ALPG: variants seen among roughly 807,000 people sequenced by gnomAD.
ALPG encodes the protein alkaline phosphatase, germ cell, also known as alkaline phosphatase, germ cell type.
A neutral mutation model predicts 48.6 loss-of-function variants in ALPG; 32 were observed. The ratio of observed to expected loss-of-function variants is 0.66; its 90% confidence interval spans 0.50 to 0.88. The LOEUF (loss-of-function observed/expected upper bound fraction) is 0.88. Ranked by LOEUF, ALPG falls within the 40% of genes least tolerant of loss-of-function variation. ALPG has a pLI of 0.00. For synonymous variants in ALPG, 244 were observed against 308.9 expected (o/e 0.79, Z 2.20); for missense variants, 533 against 718.1 (o/e 0.74, Z 2.95).
rs555142375 is a variant in ALPG at position 232,410,549 on chromosome 2, A to T, written c.*677A>T. ...ACCTGAGTTCCGAGGAGCACCTGGG[A>T]AGCTCTGGGTGCAGGATAGCAGTCC... On this transcript the variant is annotated 3_prime_UTR_variant, in exon 11 of 11. Coordinates refer to ENST00000295453, the MANE Select transcript of ALPG (RefSeq NM_031313.3). 3 of 152,932 alleles carry T rather than the reference A, an allele frequency of 2.0e-5. No individual in the cohort carries two copies. The highest frequency in any genetic ancestry group is 1.3e-4 in the Admixed American group (2 of 15,366). The allele number at this position is 152,932 out of a possible 1,614,324, so 9.5% of individuals were successfully genotyped here.
At position 232,408,946 on chromosome 2, in the gene ALPG, T is replaced by C; in HGVS notation, c.1017T>C (p.His339=). 2 of 995,812 alleles carry C rather than the reference T, an allele frequency of 2.0e-6. No homozygotes were observed. The highest frequency in any genetic ancestry group is 2.9e-6 in the Non-Finnish European group (2 of 691,244). 61.7% of individuals were successfully genotyped at this position (995,812 alleles called of 1,614,324 possible). ...GTGGTCGCATCGACCATGGTCATCA[T>C]GAAAGCAGGGCTTACCGGGCACTGA... ...VEGGRIDHGH[H]ESRAYRALTE... The change falls in exon 9 of 11, where the codon CAT becomes CAC. Residue 339 remains histidine, a synonymous_variant. Coordinates refer to ENST00000295453, the MANE Select transcript of ALPG (RefSeq NM_031313.3).
chr2:232,409,913 T>A lies in ALPG; in HGVS notation c.*41T>A, dbSNP rs530634209. On this transcript the variant is annotated 3_prime_UTR_variant, in exon 11 of 11. Transcript: ENST00000295453. ...GGCTCCTGCTTCCCCATCCCGGAGTTCCCCTGCTCCCCACCTCCAGTCGTC... is the reference window on the plus strand; with the variant it reads ...GGCTCCTGCTTCCCCATCCCGGAGTACCCCTGCTCCCCACCTCCAGTCGTC... 6 of 1,500,198 alleles carry A rather than the reference T, an allele frequency of 4.0e-6. No individual in the cohort carries two copies. In the Admixed American group the frequency reaches 8.9e-5, roughly 22 times the overall value. 92.9% of individuals were successfully genotyped at this position (1,500,198 alleles called of 1,614,324 possible). A position where few individuals can be genotyped will look rare whatever the true frequency, so the allele number is the denominator to read the frequency against.
At position 232,406,854 on chromosome 2, in the gene ALPG, C is replaced by T. The variant is rs753578408; in HGVS notation, c.-41C>T. Reference sequence around the variant, plus strand: ...CCTGGAGTGCAGCTCATACTCCATACCTGGGATTTCCGCCTCGCCGCTCTC... The same window carrying T: ...CCTGGAGTGCAGCTCATACTCCATATCTGGGATTTCCGCCTCGCCGCTCTC... On this transcript the variant is annotated 5_prime_UTR_variant, in exon 1 of 11. Transcript: ENST00000295453. The T allele has an allele frequency of 3.1e-6, 5 of 1,591,504 alleles. No individual in the cohort carries two copies. Among genetic ancestry groups the T allele is most frequent in the Non-Finnish European group, 3.4e-6 (4 of 1,169,920 alleles).
rs758156383 is a variant in ALPG at position 232,409,794 on chromosome 2, G to A, written c.1521G>A (p.Pro507=). 6.3e-7 allele frequency: 1 copy of A among 1,598,634 alleles called. No homozygotes were observed. Residue 507 remains proline (P), a synonymous_variant, in exon 11 of 11, where the codon CCG becomes CCA. Coordinates refer to ENST00000295453, the MANE Select transcript of ALPG (RefSeq NM_031313.3). The part of the protein sequence containing the change: ...PRAGTTDAAH[P]GPSVVPALLP... ...CCGGCACCACCGACGCCGCGCACCC[G>A]GGGCCGTCCGTGGTCCCCGCGTTGC...
Position 232,409,771 on chromosome 2 carries a change from G to C in ALPG, c.1498G>C (p.Gly500Arg), listed in dbSNP as rs769856688. 4.7e-5 allele frequency: 76 copies of C among 1,606,248 alleles called. No individual in the cohort carries two copies. The highest frequency in any genetic ancestry group is 6.2e-5 in the Non-Finnish European group (73 of 1,177,460). The change falls in exon 11 of 11, where the codon GGC becomes CGC. Residue 500 changes from glycine (G) to arginine (R), a missense_variant. Transcript: ENST00000295453. ...YTACDLAPRA[G>R]TTDAAHPGPS... Reference sequence around the variant, plus strand: ...CGCCTGCGACCTGGCGCCCCGCGCCGGCACCACCGACGCCGCGCACCCGGG... The same window carrying C: ...CGCCTGCGACCTGGCGCCCCGCGCCCGCACCACCGACGCCGCGCACCCGGG...
intron 4 of ALPG, 35 bp from the exon 5 acceptor site, chr2:232,407,810 C>A (rs777152894): frequency 5.8e-5 from 94 of 1,613,572 alleles, no homozygotes; most frequent in Non-Finnish European, 8.0e-5. Context: ...AGGTGACAGA[C>A]CTCTATCGCA....
chr2:232,407,097 C>A lies in ALPG; in HGVS notation c.108C>A (p.Ala36=). Residue 36 remains alanine, a synonymous_variant, in exon 2 of 11, where the codon GCC becomes GCA. Coordinates refer to ENST00000295453, the MANE Select transcript of ALPG (RefSeq NM_031313.3). ...CGGACTTCTGGAACCGCCAGGCAGCCGAGGCCCTGGGTGCCGCCAAGAAGC... is the reference window on the plus strand; with the variant it reads ...CGGACTTCTGGAACCGCCAGGCAGCAGAGGCCCTGGGTGCCGCCAAGAAGC... ...ENPDFWNRQA[A]EALGAAKKLQ... is the part of the protein sequence containing the mutation. 1 of 1,613,842 alleles carries A rather than the reference C, an allele frequency of 6.2e-7. No individual in the cohort carries two copies. Among genetic ancestry groups the A allele is most frequent in the Non-Finnish European group, 8.5e-7 (1 of 1,179,998 alleles).
chr2:232,409,850 TG>T lies in ALPG; in HGVS notation c.1581del (p.Thr528ArgfsTer72). ...LPLLAGTLLLLGTATAP is the reference protein window; with the variant it reads ...LPLLAGTLLLXGTATAP The stretch of plus-strand genomic sequence containing the variant: ...CTGCTGGCAGGGACCTTGCTGCTGC[TG>T]GGGACGGCCACTGCTCCCTGAGTGT... On this transcript the variant is annotated frameshift_variant, in exon 11 of 11. Coordinates refer to ENST00000295453, the MANE Select transcript of ALPG (RefSeq NM_031313.3). LOFTEE classifies it low-confidence loss of function (END_TRUNC). 6.3e-7 allele frequency: 1 copy of T among 1,580,280 alleles called. No individual in the cohort carries two copies.
At position 232,409,875 on chromosome 2, in the gene ALPG, G is replaced by C; in HGVS notation, c.*3G>C. 2 of 1,558,426 alleles carry C rather than the reference G, an allele frequency of 1.3e-6. No homozygotes were observed. Among genetic ancestry groups the C allele is most frequent in the African/African-American group, 1.4e-5 (1 of 73,880 alleles). ...TGGGGACGGCCACTGCTCCCTGAGT[G>C]TCCCGTCCCTGGGGCTCCTGCTTCC... On this transcript the variant is annotated 3_prime_UTR_variant, in exon 11 of 11. Transcript: ENST00000295453.
chr2:232,409,508 G>A (rs192580193), intron 10 of ALPG, 60 bp downstream of exon 10: 5 of 1,609,096 alleles, frequency 3.1e-6, no homozygotes, highest in South Asian at 1.1e-5. Flanking sequence ...GGGGGCTGGC[G>A]GGAAGGGGTC....
In ALPG at chr2:232,409,930, C is replaced by G; in HGVS notation, c.*58C>G. The G allele has an allele frequency of 6.7e-6, 10 of 1,483,054 alleles. No homozygotes were observed. The highest frequency in any genetic ancestry group is 8.9e-6 in the Non-Finnish European group (10 of 1,123,252). 91.9% of individuals were successfully genotyped at this position (1,483,054 alleles called of 1,614,324 possible). A position where few individuals can be genotyped will look rare whatever the true frequency, so the allele number is the denominator to read the frequency against. On this transcript the variant is annotated 3_prime_UTR_variant, in exon 11 of 11. Coordinates refer to ENST00000295453, the MANE Select transcript of ALPG (RefSeq NM_031313.3). ...CCCGGAGTTCCCCTGCTCCCCACCT[C>G]CAGTCGTCCTGCCGGACCTCCACCT...
rs1697161608 is a variant in ALPG at position 232,409,995 on chromosome 2, CA to C, written c.*124del. On this transcript the variant is annotated 3_prime_UTR_variant, in exon 11 of 11. Coordinates refer to ENST00000295453, the MANE Select transcript of ALPG (RefSeq NM_031313.3). ...CGGAGTCGCCACACAGACGTCCTGC[CA>C]TGGAACCTTCCCCTCCCGGTGCACC... 7.2e-7 allele frequency: 1 copy of C among 1,380,494 alleles called. No individual in the cohort carries two copies. Among genetic ancestry groups the C allele is most frequent in the African/African-American group, 1.5e-5 (1 of 68,362 alleles). 85.5% of individuals were successfully genotyped at this position (1,380,494 alleles called of 1,614,324 possible). A position where few individuals can be genotyped will look rare whatever the true frequency, so the allele number is the denominator to read the frequency against.
At position 232,407,186 on chromosome 2, in the gene ALPG, G is replaced by C; in HGVS notation, c.184+13G>C. The C allele has an allele frequency of 6.2e-7, 1 of 1,613,944 alleles. No individual in the cohort carries two copies. The stretch of plus-strand genomic sequence containing the variant: ...TTCCTGGGTGACGGTGAGTGAGCCA[G>C]GCCTTCCAGCCCCGCAGCCCTCACA... On this transcript the variant is annotated intron_variant, in intron 2 of 10. Transcript: ENST00000295453.
rs1697106066 is a variant in ALPG, at chr2:232,407,413, G to C, written c.300+12G>C. On this transcript the variant is annotated intron_variant, in intron 3 of 10. Coordinates refer to ENST00000295453, the MANE Select transcript of ALPG (RefSeq NM_031313.3). ...TGGCTCTGTCCAAGGTAAGTGCTGG[G>C]CTACCTTAGAGTCCTCCAAGCAGAG... 15 of 1,613,014 alleles carry C rather than the reference G, an allele frequency of 9.3e-6. No individual in the cohort carries two copies. The highest frequency in any genetic ancestry group is 1.3e-5 in the Non-Finnish European group (15 of 1,179,642).
Position 232,407,172 on chromosome 2 carries a change from C to T in ALPG, c.183C>T (p.Asp61=), listed in dbSNP as rs570989435. 1,714 of 1,613,776 alleles carry T rather than the reference C, an allele frequency of 1.1e-3. 27 individuals carry two copies. In the East Asian group the frequency reaches 0.035, roughly 33 times the overall value. The change falls in exon 2 of 11, where the codon GAC becomes GAT. Residue 61 remains aspartate, a splice_region_variant and synonymous_variant. Transcript: ENST00000295453. ...AAKNLIIFLG[D]GMGVSTVTAA... ...AGAACCTCATCATCTTCCTGGGTGA[C>T]GGTGAGTGAGCCAGGCCTTCCAGCC...
chr2:232,410,014 G>C lies in ALPG; in HGVS notation c.*142G>C, dbSNP rs1234482019. On this transcript the variant is annotated 3_prime_UTR_variant, in exon 11 of 11. Coordinates refer to ENST00000295453, the MANE Select transcript of ALPG (RefSeq NM_031313.3). ...TCCTGCCATGGAACCTTCCCCTCCCGGTGCACCCTGGGGACCGAGCCCTTG... is the reference window on the plus strand; with the variant it reads ...TCCTGCCATGGAACCTTCCCCTCCCCGTGCACCCTGGGGACCGAGCCCTTG... 3 of 1,286,366 alleles carry C rather than the reference G, an allele frequency of 2.3e-6. No individual in the cohort carries two copies. Among genetic ancestry groups the C allele is most frequent in the Non-Finnish European group, 2.1e-6 (2 of 964,032 alleles). The allele number at this position is 1,286,366 out of a possible 1,614,324, so 79.7% of individuals were successfully genotyped here.
chr2:232,409,542 A>G, intron 10 of ALPG, 32 bp from the exon 11 acceptor site: 3 of 1,612,052 alleles, frequency 1.9e-6, no homozygotes, highest in Non-Finnish European at 2.5e-6. Context: ...CTGGAACTGA[A>G]ACTTCCTACT....
rs1306204494 is a variant in ALPG, at chr2:232,408,542, T to C, written c.825T>C (p.Ala275=). Residue 275 remains alanine, a synonymous_variant, in exon 7 of 11, where the codon GCT becomes GCC. Transcript: ENST00000295453. ...GGAACCGCACTGAGCTCCTGCAGGC[T>C]TCCCTGGACCCGTCTGTGACCCATC... is the stretch of plus-strand genomic sequence containing the variant. ...YVWNRTELLQ[A]SLDPSVTHLM... The C allele has an allele frequency of 1.3e-6, 2 of 1,549,696 alleles. No homozygotes were observed. Among genetic ancestry groups the C allele is most frequent in the Admixed American group, 3.4e-5 (2 of 58,362 alleles).
chr2:232,407,647 C>T lies in ALPG; in HGVS notation c.354C>T (p.Tyr118=). Residue 118 remains tyrosine (Y), a synonymous_variant, in exon 4 of 11, where the codon TAC becomes TAT. Transcript: ENST00000295453. ...VPDSGATATA[Y]LCGVKGNFQT... ...ACAGTGGAGCCACAGCCACGGCCTA[C>T]CTGTGCGGGGTCAAGGGCAACTTCC... 1 of 1,613,946 alleles carries T rather than the reference C, an allele frequency of 6.2e-7. No individual in the cohort carries two copies. Among genetic ancestry groups the T allele is most frequent in the Non-Finnish European group, 8.5e-7 (1 of 1,180,020 alleles).
Sources: allele counts gnomAD v4.1 joint callset, GRCh38; gene constraint gnomAD v4.1.1; transcripts MANE v1.5; gene names NCBI Gene and HGNC (gene_info 2026-07-23, HGNC 2026-07-21).